Variants in CYP19A1 observed in about 807,000 individuals in gnomAD.
CYP19A1 encodes the protein aromatase.
Under a neutral mutation model 44.4 loss-of-function variants are expected in CYP19A1, and 32 were observed. The observed-to-expected ratio is 0.72, with a 90% confidence interval of 0.54 to 0.97. The LOEUF is 0.97. CYP19A1 is among the 50% of genes least tolerant of loss of function. The pLI, the probability that CYP19A1 is intolerant of heterozygous loss-of-function variation, is 0.00. For missense variants in CYP19A1, 598 were observed against 637.8 expected, an observed-to-expected ratio of 0.94 and a Z score of 0.67; for synonymous variants, 212 against 215.6, an observed-to-expected ratio of 0.98 and a Z score of 0.14.
chr15:51,300,476 T>C (rs1260562302), intron 1 of CYP19A1, among the ~76,000 whole-genome samples: 1 of 152,164 alleles, frequency 6.6e-6, no homozygotes, highest in African/African-American at 2.4e-5. Context: ...TGATAGAGGT[T>C]TGAGTCACCT....
chr15:51,259,149 C>G (rs10519299), intron 1 of CYP19A1, among the ~76,000 whole-genome samples: 58,747 of 151,970 alleles, frequency 0.39, 11,928 homozygotes, highest in East Asian at 0.5. Context: ...AGTAGGAAAG[C>G]ACTGAGAGAA....
chr15:51,219,116 G>A (rs2031848663), intron 5 of CYP19A1, among the ~76,000 whole-genome samples: 1 of 152,130 alleles, frequency 6.6e-6, no homozygotes, highest in Non-Finnish European at 1.5e-5. Context: ...GCCATGAAGT[G>A]GACAGTTTAT....
chr15:51,282,498 T>G (rs1047890337), intron 1 of CYP19A1, among the ~76,000 whole-genome samples: 1 of 152,194 alleles, frequency 6.6e-6, no homozygotes, highest in Non-Finnish European at 1.5e-5. Flanking sequence ...ACCCACACAT[T>G]CTCACCACCT....
At chr15:51,229,878 T>C (rs2032894890) in intron 3 of CYP19A1, among the ~76,000 whole-genome samples, 1 of 152,242 alleles carries the variant, frequency 6.6e-6, no homozygotes, top group East Asian at 1.9e-4. Flanking sequence ...TATTGGCCTG[T>C]CCATTTCATT....
intron 1 of CYP19A1, among the ~76,000 whole-genome samples, chr15:51,298,389 C>A (rs762201972): frequency 6.6e-6 from 1 of 152,110 alleles, no homozygotes; most frequent in Non-Finnish European, 1.5e-5. Flanking sequence ...GTGTGATAAT[C>A]GAAGCTCATT....
intron 1 of CYP19A1, among the ~76,000 whole-genome samples, chr15:51,250,537 TAG>T (rs919129155): frequency 2.6e-5 from 4 of 152,232 alleles, no homozygotes; most frequent in African/African-American, 4.8e-5. Flanking sequence ...CTGCATCTGA[TAG>T]AGTCTCCCAG....
intron 1 of CYP19A1, among the ~76,000 whole-genome samples, chr15:51,293,212 G>A (rs968982586): frequency 1.3e-5 from 2 of 151,968 alleles, no homozygotes; most frequent in Non-Finnish European, 2.9e-5. Context: ...CACCACTAAA[G>A]AACTTGTTCA....
intron 1 of CYP19A1, among the ~76,000 whole-genome samples, chr15:51,308,869 C>G (rs117524557): frequency 1.3e-5 from 2 of 152,320 alleles, no homozygotes; most frequent in Non-Finnish European, 2.9e-5. Context: ...ATAACTCATG[C>G]ACAGGGTACC....
chr15:51,269,972 C>G (rs1372682098), intron 1 of CYP19A1, among the ~76,000 whole-genome samples: 2 of 151,886 alleles, frequency 1.3e-5, no homozygotes, highest in African/African-American at 2.4e-5. Context: ...AGGTTCCTAA[C>G]AAACACACAC....
In CYP19A1 at chr15:51,328,547, GGTGTGTGTGTGT is replaced by G. The variant is rs56202041; in HGVS notation, c.-39+9936_-39+9947del. ...TGGGAATCCTGAGTTACAGGGCAGG[GGTGTGTGTGTGT>G]GTGTGTGTGTGTGTGTGTGTGTGTG... On this transcript the variant is annotated intron_variant, in intron 1 of 9. Transcript: ENST00000396402. 1.4e-3 allele frequency among the ~76,000 whole-genome samples: 212 copies of G among 147,416 alleles called. 2 individuals are homozygous for G. Among genetic ancestry groups the G allele is most frequent in the African/African-American group, 4.7e-3 (187 of 40,132 alleles).
intron 1 of CYP19A1, among the ~76,000 whole-genome samples, chr15:51,276,865 A>C (rs1232258775): frequency 6.6e-6 from 1 of 152,178 alleles, no homozygotes; most frequent in Non-Finnish European, 1.5e-5. Flanking sequence ...GAGCAACTGT[A>C]AGTCCCAAAA....
chr15:51,304,890 C>CTTTTTTTTTTTTTTTTTTTT lies in CYP19A1; in HGVS notation c.-39+33585_-39+33604dup, dbSNP rs545247348. On this transcript the variant is annotated intron_variant, in intron 1 of 9. Coordinates refer to ENST00000396402, the MANE Select transcript of CYP19A1 (RefSeq NM_000103.4). ...ATCCCTCAGGTAATTGTGTCTCTTC[C>CTTTTTTTTTTTTTTTTTTTT]TTTTTTTTTTTTTTTTTTTTTTTTT... Among the ~76,000 whole-genome samples, 16 of 104,578 alleles carry CTTTTTTTTTTTTTTTTTTTT rather than the reference C, an allele frequency of 1.5e-4. 2 individuals carry two copies. The highest frequency in any genetic ancestry group is 7.7e-4 in the African/African-American group (16 of 20,872). 68.6% of individuals were successfully genotyped at this position (104,578 alleles called of 152,430 possible). A position where few individuals can be genotyped will look rare whatever the true frequency, so the allele number is the denominator to read the frequency against.
At chr15:51,252,716 T>C (rs2034367553) in intron 1 of CYP19A1, among the ~76,000 whole-genome samples, 1 of 152,134 alleles carries the variant, frequency 6.6e-6, no homozygotes, top group Non-Finnish European at 1.5e-5. Context: ...GCACACGGAG[T>C]GTGCGCCTGT....
intron 1 of CYP19A1, among the ~76,000 whole-genome samples, chr15:51,263,849 T>C (rs1353016500): frequency 6.6e-6 from 1 of 152,214 alleles, no homozygotes; most frequent in Non-Finnish European, 1.5e-5. Flanking sequence ...ACAGTAAACC[T>C]GCTAGGCAGT....
chr15:51,295,868 AAG>A (rs1259599406), intron 1 of CYP19A1, among the ~76,000 whole-genome samples: 4 of 152,138 alleles, frequency 2.6e-5, no homozygotes, highest in African/African-American at 9.7e-5. Context: ...AGAGTGAGAA[AAG>A]AGAGAAGTGA....
At chr15:51,255,503 G>C (rs181711886) in intron 1 of CYP19A1, 3 of 152,356 alleles carry the variant, frequency 2.0e-5, no homozygotes, top group Admixed American at 6.5e-5. Context: ...TACATTTTCA[G>C]TTTGTTATGC....
At chr15:51,296,582 T>C (rs1030483564) in intron 1 of CYP19A1, among the ~76,000 whole-genome samples, 5 of 152,234 alleles carry the variant, frequency 3.3e-5, no homozygotes, top group African/African-American at 1.2e-4. Context: ...GGTACATTTT[T>C]CATAGTGCTA....
rs2031435014 is a variant in CYP19A1, at chr15:51,215,125, A to G, written c.966T>C (p.Ile322=). 1.2e-6 allele frequency: 2 copies of G among 1,613,980 alleles called. No homozygotes were observed. Among genetic ancestry groups the G allele is most frequent in the South Asian group, 1.1e-5 (1 of 91,072 alleles). ...CCTCTTCAACATTAGGGTGCTTTGCAATGAGAAATAGCATGAAGAACAAAG... is the reference window on the plus strand; with the variant it reads ...CCTCTTCAACATTAGGGTGCTTTGCGATGAGAAATAGCATGAAGAACAAAG... The part of the protein sequence containing the change: ...SVSLFFMLFL[I]AKHPNVEEAI... Residue 322 remains isoleucine (I), a synonymous_variant, in exon 8 of 10, where the codon ATT becomes ATC. Transcript: ENST00000396402.
At chr15:51,306,409 G>GT (rs575708257) in intron 1 of CYP19A1, among the ~76,000 whole-genome samples, 3 of 150,046 alleles carry the variant, frequency 2.0e-5, no homozygotes, top group East Asian at 2.0e-4. Flanking sequence ...TTTGTTTTTT[G>GT]TTTTTTTTCT....
Sources: allele counts gnomAD v4.1 joint callset (sites outside exome capture counted in the v4.1 genomes callset), GRCh38; gene constraint gnomAD v4.1.1; transcripts MANE v1.5; gene names NCBI Gene and HGNC (gene_info 2026-07-23, HGNC 2026-07-21).